CRYBA4: variants seen among roughly 807,000 people sequenced by gnomAD.
The protein encoded by CRYBA4 is beta-crystallin A4.
A neutral mutation model predicts 31.7 loss-of-function variants in CRYBA4; 30 were observed. The ratio of observed to expected loss-of-function variants is 0.95; its 90% confidence interval spans 0.71 to 1.28. The LOEUF (loss-of-function observed/expected upper bound fraction) is 1.28. Among genes scored for constraint, CRYBA4 ranks in the 50% most tolerant of loss-of-function variants. The pLI, the probability that CRYBA4 is intolerant of heterozygous loss-of-function variation, is 0.00. For synonymous variants in CRYBA4, 102 were observed against 102.3 expected, an observed-to-expected ratio of 1.00 and a Z score of 0.02; for missense variants, 225 against 260.7, an observed-to-expected ratio of 0.86 and a Z score of 0.94.
At chr22:26,623,489 T>C (rs766663484) in intron 3 of CRYBA4, 137 bp downstream of exon 3, 1 of 684,258 alleles carries the variant, frequency 1.5e-6, no homozygotes, top group African/African-American at 1.8e-5. Context: ...TACTGAGGAG[T>C]GTGCAGGACT....
chr22:26,621,946 C>T (rs1929543907), upstream of CRYBA4: 11 of 985,502 alleles, frequency 1.1e-5, no homozygotes, highest in Non-Finnish European at 1.3e-5. Context: ...AGCCCGACCT[C>T]GGCTGGTCTC....
chr22:26,611,721 G>A, the CRYBA4 span, among the ~76,000 whole-genome samples: 3 of 151,986 alleles, frequency 2.0e-5, no homozygotes, highest in Non-Finnish European at 2.9e-5. Flanking sequence ...TGATCCACCC[G>A]CCTCGGCCTC....
chr22:26,590,246 CAG>C, the CRYBA4 span: 1 of 143,608 alleles, frequency 7.0e-6, no homozygotes, highest in Non-Finnish European at 1.5e-5. Flanking sequence ...GCGAGGTGAG[CAG>C]AGGCTGGTCG....
At chr22:26,598,225 G>A in the CRYBA4 span, among the ~76,000 whole-genome samples, 3 of 152,228 alleles carry the variant, frequency 2.0e-5, no homozygotes, top group East Asian at 3.9e-4. Context: ...CCATTTTGTC[G>A]AAGAGTGAAC....
chr22:26,592,888 A>C, the CRYBA4 span, among the ~76,000 whole-genome samples: 1 of 152,212 alleles, frequency 6.6e-6, no homozygotes. Context: ...CAGAATTGGC[A>C]GATCTCAGTT....
chr22:26,602,036 G>T, the CRYBA4 span: 2 of 1,613,066 alleles, frequency 1.2e-6, no homozygotes, highest in Non-Finnish European at 1.7e-6. Flanking sequence ...GGAAAGAGAG[G>T]CCGGGTCAGG....
At chr22:26,612,064 G>A in the CRYBA4 span, 10 of 1,602,318 alleles carry the variant, frequency 6.2e-6, no homozygotes, top group African/African-American at 5.4e-5. Context: ...CCGCCGCCCA[G>A]TACTCACGGT....
At chr22:26,607,812 C>T in the CRYBA4 span, 1 of 1,602,894 alleles carries the variant, frequency 6.2e-7, no homozygotes, top group Non-Finnish European at 8.5e-7. Flanking sequence ...CTCCTTCTTG[C>T]CCTTGTCAGA....
the CRYBA4 span, among the ~76,000 whole-genome samples, chr22:26,607,588 T>G: frequency 6.9e-6 from 1 of 144,164 alleles, no homozygotes. Flanking sequence ...AAGCTCCCAG[T>G]AAGGTCTAAA....
rs1404229613 is a variant in CRYBA4, at chr22:26,627,359, C to CCCTCCCTCCCTCCCTTCTTT, written c.301-928_301-927insCTCCCTCCCTCCCTTCTTTC. Reference sequence around the variant, plus strand: ...CCCCTCCCTCCCTCCCTCCCTCCCTCCTTTCTTTCTTTCTTTCTTTCTTTC... The same window carrying CCCTCCCTCCCTCCCTTCTTT: ...CCCCTCCCTCCCTCCCTCCCTCCCTCCCTCCCTCCCTCCCTTCTTTCTTTCTTTCTTTCTTTCTTTCTTTC... On this transcript the variant is annotated intron_variant, in intron 4 of 5. Transcript: ENST00000354760. Among the ~76,000 whole-genome samples, 128 of 41,858 alleles carry CCCTCCCTCCCTCCCTTCTTT rather than the reference C, an allele frequency of 3.1e-3. 8 individuals carry two copies. The highest frequency in any genetic ancestry group is 0.011 in the Middle Eastern group (1 of 90). The allele number at this position is 41,858 out of a possible 152,430, so 27.5% of individuals were successfully genotyped here. A position where few individuals can be genotyped will look rare whatever the true frequency, so the allele number is the denominator to read the frequency against.
At chr22:26,613,669 G>A in the CRYBA4 span, among the ~76,000 whole-genome samples, 29,795 of 151,960 alleles carry the variant, frequency 0.2, 3,144 homozygotes, top group Middle Eastern at 0.23. Context: ...CCTCAGGACC[G>A]TGTGATAATT....
At chr22:26,616,398 C>G in the CRYBA4 span, 1 of 1,131,848 alleles carries the variant, frequency 8.8e-7, no homozygotes, top group Non-Finnish European at 1.3e-6. Context: ...GCCCTCATAG[C>G]CCCACATCCT....
the CRYBA4 span, among the ~76,000 whole-genome samples, chr22:26,608,484 A>G: frequency 6.6e-6 from 1 of 152,212 alleles, no homozygotes; most frequent in Non-Finnish European, 1.5e-5. Flanking sequence ...TGTAACAAAG[A>G]GAGAAAAGAC....
chr22:26,610,917 G>A, the CRYBA4 span, among the ~76,000 whole-genome samples: 4 of 152,184 alleles, frequency 2.6e-5, no homozygotes, highest in South Asian at 2.1e-4. Context: ...CAGAATACAG[G>A]ATGACTGGAA....
chr22:26,623,129 TTTGCAATCCCTGC>T (rs1929585740), intron 2 of CRYBA4, 92 bp from the exon 3 acceptor site: 1 of 936,492 alleles, frequency 1.1e-6, no homozygotes, highest in Non-Finnish European at 1.7e-6. Context: ...GGAATCTGAG[TTTGCAATCCCTGC>T]TTTACCTGCC....
chr22:26,622,476 C>A, intron 1 of CRYBA4, 109 bp from the exon 2 acceptor site: 1 of 904,238 alleles, frequency 1.1e-6, no homozygotes, highest in Non-Finnish European at 1.9e-6. Context: ...CTAGCCCAGT[C>A]ACTCCTGGAC....
chr22:26,606,167 G>A, the CRYBA4 span, among the ~76,000 whole-genome samples: 1 of 152,148 alleles, frequency 6.6e-6, no homozygotes, highest in African/African-American at 2.4e-5. Context: ...CTGCACAGAC[G>A]GACTACTTAG....
the CRYBA4 span, among the ~76,000 whole-genome samples, chr22:26,602,534 C>T: frequency 2.7e-5 from 4 of 150,086 alleles, no homozygotes; most frequent in African/African-American, 2.5e-5. Flanking sequence ...GAGGCTGCAG[C>T]GAGATATGAT....
the CRYBA4 span, chr22:26,612,332 C>T: frequency 1.5e-6 from 1 of 649,682 alleles, no homozygotes; most frequent in South Asian, 1.7e-5. Context: ...ATCCTGTCCT[C>T]CCATCCCCCA....
Sources: allele counts gnomAD v4.1 joint callset (sites outside exome capture counted in the v4.1 genomes callset), GRCh38; gene constraint gnomAD v4.1.1; transcripts MANE v1.5; gene names NCBI Gene and HGNC (gene_info 2026-07-23, HGNC 2026-07-21).